RBFOX1: variants seen among roughly 807,000 people sequenced by gnomAD.
RBFOX1 encodes the protein RNA binding protein fox-1 homolog 1.
RBFOX1 carries 8 observed loss-of-function variants against 57.7 expected under a neutral mutation model. That is an observed-to-expected ratio of 0.14 (90% confidence interval 0.08 to 0.25). The LOEUF (loss-of-function observed/expected upper bound fraction) is 0.25. RBFOX1 is among the 10% of genes least tolerant of loss of function. RBFOX1 has a pLI of 1.00. For synonymous variants in RBFOX1, 326 were observed against 222.4 expected (o/e 1.47, Z -4.15); for missense variants, 611 against 548.5 (o/e 1.11, Z -1.14).
chr16:6,129,754 A>G (rs1389503717), intron 1 of RBFOX1, among the ~76,000 whole-genome samples: 1 of 151,946 alleles, frequency 6.6e-6, no homozygotes, highest in African/African-American at 2.4e-5. Flanking sequence ...GACGAAAAAA[A>G]AAAACCATAG....
At chr16:7,198,710 A>C (rs1008818914) in intron 4 of RBFOX1, among the ~76,000 whole-genome samples, 4 of 152,076 alleles carry the variant, frequency 2.6e-5, no homozygotes, top group Admixed American at 6.5e-5. Context: ...ATGATAACTA[A>C]CTCACTGCAG....
chr16:7,309,525 G>A (rs1303121439), intron 4 of RBFOX1, among the ~76,000 whole-genome samples: 1 of 152,206 alleles, frequency 6.6e-6, no homozygotes, highest in African/African-American at 2.4e-5. Context: ...TGCCCGGCTG[G>A]AGAAAGTCTG....
intron 3 of RBFOX1, among the ~76,000 whole-genome samples, chr16:6,943,878 T>G (rs1473768219): frequency 1.3e-5 from 2 of 152,106 alleles, no homozygotes; most frequent in Non-Finnish European, 1.5e-5. Flanking sequence ...CACTGCTGAT[T>G]TCTATACATC....
At position 7,647,662 on chromosome 16, in the gene RBFOX1, T is replaced by C. The variant is rs145577788; in HGVS notation, c.758-6153T>C. Among the ~76,000 whole-genome samples the C allele has an allele frequency of 4.6e-3, 702 of 152,336 alleles. 7 individuals are homozygous for C. The highest frequency in any genetic ancestry group is 0.016 in the African/African-American group (673 of 41,580). On this transcript the variant is annotated intron_variant, in intron 11 of 15. Transcript: ENST00000550418. Reference sequence around the variant, plus strand: ...CAAAGAGGCATTTACAAATACTGGATAGGGTGATGTTTGACTTTTAACATT... The same window carrying C: ...CAAAGAGGCATTTACAAATACTGGACAGGGTGATGTTTGACTTTTAACATT...
At chr16:6,610,730 C>G (rs1209168374) in intron 2 of RBFOX1, among the ~76,000 whole-genome samples, 1 of 152,202 alleles carries the variant, frequency 6.6e-6, no homozygotes, top group Non-Finnish European at 1.5e-5. Context: ...TACTCAGCAG[C>G]TTCCGCCAAA....
At chr16:7,589,626 G>A (rs891187138) in intron 7 of RBFOX1, among the ~76,000 whole-genome samples, 1 of 151,984 alleles carries the variant, frequency 6.6e-6, no homozygotes, top group Non-Finnish European at 1.5e-5. Context: ...GAATGGCACT[G>A]AGACAGTCCA....
chr16:5,837,390 C>G (rs1033679396), intron 3 of RBFOX1, among the ~76,000 whole-genome samples: 1 of 152,016 alleles, frequency 6.6e-6, no homozygotes, highest in Non-Finnish European at 1.5e-5. Flanking sequence ...TTATTGGACA[C>G]ATTGTTTAAT....
chr16:5,611,865 T>C (rs1289909607), intron 3 of RBFOX1, among the ~76,000 whole-genome samples: 2 of 141,740 alleles, frequency 1.4e-5, no homozygotes, highest in Admixed American at 7.4e-5. Context: ...CAGTAGCTCA[T>C]ATCTGTAATC....
chr16:6,744,460 T>G lies in RBFOX1; in HGVS notation c.-16+89810T>G, dbSNP rs574971684. Among the ~76,000 whole-genome samples, 7 of 152,242 alleles carry G rather than the reference T, an allele frequency of 4.6e-5. No homozygotes were observed. The East Asian group carries it at 1.3e-3, about 29-fold the overall frequency. ...GAGCTATTCTGGGCTGAACTATTTT[T>G]TTTAATCAATAAATTTAAGAGAATT... is the stretch of plus-strand genomic sequence containing the variant. On this transcript the variant is annotated intron_variant, in intron 3 of 15. Coordinates refer to ENST00000550418, the MANE Select transcript of RBFOX1 (RefSeq NM_018723.4).
chr16:5,822,788 G>C (rs79438733), intron 3 of RBFOX1, among the ~76,000 whole-genome samples: 16,989 of 152,204 alleles, frequency 0.11, 1,294 homozygotes, highest in Non-Finnish European at 0.16. Context: ...ATGGTTAAGT[G>C]CATGGACTTT....
At chr16:6,973,391 A>T (rs2086030985) in intron 3 of RBFOX1, among the ~76,000 whole-genome samples, 2 of 152,198 alleles carry the variant, frequency 1.3e-5, no homozygotes, top group Admixed American at 1.3e-4. Flanking sequence ...ACTATAAGAG[A>T]TAATAACACA....
At chr16:6,025,126 T>TA (rs1006511765) in intron 1 of RBFOX1, among the ~76,000 whole-genome samples, 3 of 152,214 alleles carry the variant, frequency 2.0e-5, no homozygotes, top group Non-Finnish European at 4.4e-5. Context: ...TCTTAAACAT[T>TA]ATGGGAAAAT....
intron 4 of RBFOX1, among the ~76,000 whole-genome samples, chr16:7,403,694 C>T (rs2148870856): frequency 6.6e-6 from 1 of 151,608 alleles, no homozygotes; most frequent in East Asian, 2.0e-4. Flanking sequence ...TTACAGGCAC[C>T]TGCCACTACT....
chr16:6,398,836 T>C (rs1187631470), intron 2 of RBFOX1, among the ~76,000 whole-genome samples: 1 of 152,200 alleles, frequency 6.6e-6, no homozygotes, highest in Non-Finnish European at 1.5e-5. Context: ...ATCTGGAGGA[T>C]AGTGGTCCTC....
Position 6,911,124 on chromosome 16 carries a change from C to T in RBFOX1, c.-15-140933C>T, listed in dbSNP as rs547945612. 1.6e-4 allele frequency among the ~76,000 whole-genome samples: 24 copies of T among 151,418 alleles called. 1 individual carries two copies. Among genetic ancestry groups the T allele is most frequent in the Admixed American group, 1.3e-3 (20 of 15,174 alleles). On this transcript the variant is annotated intron_variant, in intron 3 of 15. Transcript: ENST00000550418. ...GCTGAGGCAGGACAATCGCTGGAAC[C>T]TGGGAAGTGGAAGTTGGAGTGAGCC... is the stretch of plus-strand genomic sequence containing the variant.
intron 2 of RBFOX1, among the ~76,000 whole-genome samples, chr16:6,606,717 A>C (rs187597158): frequency 4.6e-5 from 7 of 152,204 alleles, no homozygotes; most frequent in Admixed American, 4.6e-4. Context: ...ATAGCATTCC[A>C]TGTTGCATAT....
intron 3 of RBFOX1, among the ~76,000 whole-genome samples, chr16:6,684,654 C>T (rs1041680420): frequency 5.9e-5 from 9 of 152,128 alleles, no homozygotes; most frequent in African/African-American, 1.7e-4. Flanking sequence ...GCTTCTTTAT[C>T]AGTGTCTTAG....
chr16:6,574,115 G>C (rs780915659), intron 2 of RBFOX1, among the ~76,000 whole-genome samples: 4 of 152,166 alleles, frequency 2.6e-5, no homozygotes, highest in Admixed American at 6.6e-5. Flanking sequence ...AAACACTTGA[G>C]CTGCACACTC....
chr16:5,696,889 T>C (rs1258644069), intron 3 of RBFOX1, among the ~76,000 whole-genome samples: 1 of 152,116 alleles, frequency 6.6e-6, no homozygotes, highest in African/African-American at 2.4e-5. Flanking sequence ...TACACATATA[T>C]ACTTACAGAG....
Sources: gnomAD v4.1 joint callset for allele counts (sites outside exome capture counted in the v4.1 genomes callset) on GRCh38, gnomAD v4.1.1 for gene constraint, MANE v1.5 for transcripts, NCBI Gene and HGNC (gene_info 2026-07-23, HGNC 2026-07-21) for gene names.